NBAS: variants seen among roughly 807,000 people sequenced by gnomAD.
NBAS encodes NBAS subunit of NRZ tethering complex, also known as NAG/BC035112 fusion.
NBAS carries 219 observed loss-of-function variants against 302.5 expected under a neutral mutation model. That is an observed-to-expected ratio of 0.72 (90% CI 0.65 to 0.81). NBAS has a LOEUF of 0.81. NBAS is among the 30% of genes least tolerant of loss of function. NBAS has a pLI of 0.00. For missense variants in NBAS, 2,932 were observed against 2,841.6 expected (o/e 1.03, Z -0.72); for synonymous variants, 1,118 against 1,021.6 (o/e 1.09, Z -1.80).
the NBAS span, among the ~76,000 whole-genome samples, chr2:15,144,254 C>T: frequency 6.6e-6 from 1 of 151,804 alleles, no homozygotes; most frequent in Non-Finnish European, 1.5e-5. Flanking sequence ...TCCTACAGCC[C>T]GAGTATGGCT....
intron 47 of NBAS, among the ~76,000 whole-genome samples, chr2:15,223,134 G>A (rs1372520088): frequency 1.3e-5 from 2 of 152,184 alleles, no homozygotes; most frequent in Admixed American, 6.5e-5. Flanking sequence ...ACATTGACTA[G>A]ACACTATCTC....
chr2:15,167,137 C>T lies in NBAS; in HGVS notation c.7027G>A (p.Ala2343Thr). Residue 2343 changes from alanine (A) to threonine (T), a missense_variant, in exon 52 of 52, where the codon GCC becomes ACC. Physicochemically the swap from Ala to Thr is moderately conservative, Grantham distance 58. Coordinates refer to ENST00000281513, the MANE Select transcript of NBAS (RefSeq NM_015909.4). The stretch of plus-strand genomic sequence containing the variant: ...CTCACGGCCAGAAGGAGAGACCCGG[C>T]TTCGGCTTCATGGCCGGCCTCCCGC... ...HLREAGHEAE[A>T]GSLLLAVRGT... 1 of 1,614,254 alleles carries T rather than the reference C, an allele frequency of 6.2e-7. No homozygotes were observed. The highest frequency in any genetic ancestry group is 1.6e-4 in the Middle Eastern group (1 of 6,062).
At chr2:15,023,033 T>C in the NBAS span, among the ~76,000 whole-genome samples, 1 of 152,096 alleles carries the variant, frequency 6.6e-6, no homozygotes, top group East Asian at 1.9e-4. Flanking sequence ...TAATAAGCTA[T>C]ATTTCTCCTC....
the NBAS span, among the ~76,000 whole-genome samples, chr2:14,869,601 C>G: frequency 6.6e-6 from 1 of 152,134 alleles, no homozygotes; most frequent in Non-Finnish European, 1.5e-5. Context: ...CGTCCTCCTC[C>G]ACTAATCATT....
the NBAS span, among the ~76,000 whole-genome samples, chr2:15,058,929 A>G: frequency 6.6e-6 from 1 of 152,134 alleles, no homozygotes; most frequent in Non-Finnish European, 1.5e-5. Flanking sequence ...TTGCTCTTTA[A>G]AATTTCTATT....
At chr2:15,207,037 C>G (rs1666180077) in intron 48 of NBAS, among the ~76,000 whole-genome samples, 1 of 152,166 alleles carries the variant, frequency 6.6e-6, no homozygotes, top group South Asian at 2.1e-4. Context: ...GATTCACCTA[C>G]AGCTTGCACT....
At chr2:15,219,200 T>C (rs1247498202) in intron 47 of NBAS, among the ~76,000 whole-genome samples, 2 of 152,198 alleles carry the variant, frequency 1.3e-5, no homozygotes, top group East Asian at 3.9e-4. Flanking sequence ...AAATGAGTTA[T>C]ATAAAGCAGA....
rs545483030 is a variant in NBAS, at chr2:15,396,991, G to A, written c.3072-516C>T. ...GGAAGGAAATCCCATCCACTTCAAC[G>A]TTAAGGAATCAGTGAGAAGTATATC... On this transcript the variant is annotated intron_variant, in intron 26 of 51. Coordinates refer to ENST00000281513, the MANE Select transcript of NBAS (RefSeq NM_015909.4). 3.3e-5 allele frequency among the ~76,000 whole-genome samples: 5 copies of A among 152,298 alleles called. No individual in the cohort carries two copies. In the East Asian group the frequency reaches 5.8e-4, roughly 18 times the overall value.
At chr2:15,451,709 G>A (rs564623343) in intron 21 of NBAS, among the ~76,000 whole-genome samples, 31 of 152,146 alleles carry the variant, frequency 2.0e-4, no homozygotes, top group East Asian at 5.8e-4. Flanking sequence ...AAGTCTCCAC[G>A]TTTGCCTATT....
intron 13 of NBAS, 55 bp from the exon 14 acceptor site, chr2:15,475,935 C>G: frequency 7.3e-7 from 1 of 1,371,916 alleles, no homozygotes; most frequent in South Asian, 1.3e-5. Context: ...GGTTTAAATT[C>G]AAAATATTTA....
At chr2:15,496,077 C>T (rs1406914716) in intron 11 of NBAS, among the ~76,000 whole-genome samples, 95 of 141,266 alleles carry the variant, frequency 6.7e-4, no homozygotes, top group African/African-American at 2.5e-3. Context: ...TATATATACA[C>T]ACACACATAC....
chr2:14,967,873 C>T, the NBAS span, among the ~76,000 whole-genome samples: 1 of 152,158 alleles, frequency 6.6e-6, no homozygotes, highest in South Asian at 2.1e-4. Context: ...CTCTTGGCAG[C>T]TCTCAAGCCT....
At chr2:15,512,459 G>A (rs1368856812) in intron 9 of NBAS, among the ~76,000 whole-genome samples, 1 of 152,120 alleles carries the variant, frequency 6.6e-6, no homozygotes, top group Non-Finnish European at 1.5e-5. Flanking sequence ...CATCCTAATC[G>A]CTGCAGTCTG....
At chr2:15,112,039 C>T in the NBAS span, among the ~76,000 whole-genome samples, 1 of 150,404 alleles carries the variant, frequency 6.6e-6, no homozygotes, top group African/African-American at 2.4e-5. Context: ...AGGACAAATG[C>T]TCTGCAAAGT....
chr2:15,504,120 C>G (rs1483742062), intron 11 of NBAS, 25 bp downstream of exon 11: 1 of 1,597,944 alleles, frequency 6.3e-7, no homozygotes, highest in South Asian at 1.1e-5. Flanking sequence ...GAGAAGCCCA[C>G]CATAGTTAAG....
chr2:14,812,034 G>A, the NBAS span, among the ~76,000 whole-genome samples: 1 of 152,266 alleles, frequency 6.6e-6, no homozygotes, highest in Admixed American at 6.5e-5. Context: ...TTGGCCAAGT[G>A]GTTCTTCAGC....
intron 38 of NBAS, among the ~76,000 whole-genome samples, chr2:15,320,577 A>C (rs1671753048): frequency 6.6e-6 from 1 of 152,188 alleles, no homozygotes; most frequent in Admixed American, 6.5e-5. Context: ...AAGGTGCAAA[A>C]ATCACAAGCA....
At chr2:15,494,558 T>C (rs897544135) in intron 11 of NBAS, among the ~76,000 whole-genome samples, 2 of 152,234 alleles carry the variant, frequency 1.3e-5, no homozygotes. Context: ...GTAAGATCTT[T>C]TATATTGGAG....
the NBAS span, among the ~76,000 whole-genome samples, chr2:14,911,925 A>G: frequency 6.6e-6 from 1 of 152,346 alleles, no homozygotes; most frequent in East Asian, 1.9e-4. Flanking sequence ...TCACTTAACA[A>G]CAGGGATATG....
Sources: allele counts gnomAD v4.1 joint callset (sites outside exome capture counted in the v4.1 genomes callset), GRCh38; gene constraint gnomAD v4.1.1; transcripts MANE v1.5; gene names NCBI Gene and HGNC (gene_info 2026-07-23, HGNC 2026-07-21).